CAVIN4: variants seen among roughly 807,000 people sequenced by gnomAD.
CAVIN4 encodes caveolae associated protein 4.
Under a neutral mutation model 18.6 loss-of-function variants are expected in CAVIN4, and 10 were observed. That is an observed-to-expected ratio of 0.54 (90% CI 0.33 to 0.91). The LOEUF (loss-of-function observed/expected upper bound fraction) is 0.91, where lower values mean the gene tolerates loss of function less well. Ranked by LOEUF, CAVIN4 falls within the 40% of genes least tolerant of loss-of-function variation. The pLI is 0.02. For synonymous variants in CAVIN4, 173 were observed against 164.8 expected, an observed-to-expected ratio of 1.05 and a Z score of -0.38; for missense variants, 459 against 440.5, an observed-to-expected ratio of 1.04 and a Z score of -0.38.
intron 1 of CAVIN4, chr9:100,581,480 A>G (rs1393269812): frequency 1.3e-5 from 2 of 152,228 alleles, no homozygotes; most frequent in Admixed American, 1.3e-4. Flanking sequence ...GTTTTATATT[A>G]AAAGATACAA....
intron 1 of CAVIN4, among the ~76,000 whole-genome samples, chr9:100,581,892 A>G (rs1205436311): frequency 6.6e-6 from 1 of 152,150 alleles, no homozygotes; most frequent in African/African-American, 2.4e-5. Flanking sequence ...CGCTGCTTCA[A>G]ACTGATTCAT....
At position 100,586,062 on chromosome 9, in the gene CAVIN4, C is replaced by CTAAGG. The variant is rs1839473514; in HGVS notation, c.706_707insTAAGG (p.Gln236LeufsTer8). Reference sequence around the variant, plus strand: ...CCCGGAGAGGAGAGAGAGGCTAAGGCAGTCAGGAGAGAGGCTGAGACAGTC... The same window carrying CTAAGG: ...CCCGGAGAGGAGAGAGAGGCTAAGGCTAAGGAGTCAGGAGAGAGGCTGAGACAGTC... On this transcript the variant is annotated frameshift_variant, in exon 2 of 2. Coordinates refer to ENST00000307584, the MANE Select transcript of CAVIN4 (RefSeq NM_001018116.2). LOFTEE classifies it low-confidence loss of function (END_TRUNC). 6.2e-7 allele frequency: 1 copy of CTAAGG among 1,602,976 alleles called. No homozygotes were observed. The highest frequency in any genetic ancestry group is 8.5e-7 in the Non-Finnish European group (1 of 1,170,248).
chr9:100,580,188 T>C (rs1024847554), intron 1 of CAVIN4, among the ~76,000 whole-genome samples: 1 of 151,966 alleles, frequency 6.6e-6, no homozygotes, highest in Non-Finnish European at 1.5e-5. Flanking sequence ...TCCCTGCTAC[T>C]TAGGAGGCTG....
chr9:100,584,804 C>T (rs1002332015), intron 1 of CAVIN4, among the ~76,000 whole-genome samples: 1 of 152,186 alleles, frequency 6.6e-6, no homozygotes, highest in African/African-American at 2.4e-5. Flanking sequence ...TTCCTTGAGT[C>T]TCGCAGTTCG....
chr9:100,587,328 A>C lies in CAVIN4; in HGVS notation c.*877A>C, dbSNP rs1212069742. 6.6e-6 allele frequency: 1 copy of C among 152,182 alleles called. No individual in the cohort carries two copies. 9.4% of individuals were successfully genotyped at this position (152,182 alleles called of 1,614,324 possible). The stretch of plus-strand genomic sequence containing the variant: ...CCTTTCTAATTTCCTTTTGATTAAG[A>C]TCTTTGGTGGACTATAGCACTAAAT... On this transcript the variant is annotated 3_prime_UTR_variant, in exon 2 of 2. Coordinates refer to ENST00000307584, the MANE Select transcript of CAVIN4 (RefSeq NM_001018116.2).
chr9:100,577,172 T>C (rs1839366292), upstream of CAVIN4: 1 of 152,638 alleles, frequency 6.6e-6, no homozygotes, highest in Non-Finnish European at 1.5e-5. Context: ...GTCCTAATAA[T>C]TTGAACAAAT....
rs1336467530 is a variant in CAVIN4 at position 100,586,095 on chromosome 9, A to G, written c.739A>G (p.Arg247Gly). The G allele has an allele frequency of 6.2e-7, 1 of 1,609,780 alleles. No homozygotes were observed. The highest frequency in any genetic ancestry group is 1.7e-5 in the Admixed American group (1 of 59,588). Residue 247 changes from arginine to glycine, a missense_variant, in exon 2 of 2, where the codon AGG (arginine) becomes GGG (glycine). Transcript: ENST00000307584. ...SGERLRQSGE[R>G]LRQSGERFKK... ...AGAGAGGCTGAGACAGTCAGGGGAG[A>G]GGCTGAGACAGTCAGGGGAGAGGTT...
In CAVIN4 at chr9:100,586,629, AT is replaced by A; in HGVS notation, c.*184del. 1 of 475,082 alleles carries A rather than the reference AT, an allele frequency of 2.1e-6. No homozygotes were observed. Among genetic ancestry groups the A allele is most frequent in the Non-Finnish European group, 3.5e-6 (1 of 282,288 alleles). 29.4% of individuals were successfully genotyped at this position (475,082 alleles called of 1,614,324 possible). On this transcript the variant is annotated 3_prime_UTR_variant, in exon 2 of 2. Transcript: ENST00000307584. ...TCACTCTTTCTCATGGCAGCTGTGG[AT>A]TTTTTAGTTCCTTTCTCTTGTCCAC... is the stretch of plus-strand genomic sequence containing the variant.
rs767889299 is a variant in CAVIN4, at chr9:100,585,825, C to G, written c.469C>G (p.Gln157Glu). ...TAAAGACAGAAACCTAACTGAGAAC[C>G]AAGAAGAGGATGATGATGATATCTT... ...VVKDRNLTENQEEDDDDIFDP... is the reference protein window; with the variant it reads ...VVKDRNLTENEEEDDDDIFDP... Residue 157 changes from glutamine (Q) to glutamate (E), a missense_variant, in exon 2 of 2, where the codon CAA becomes GAA. Coordinates refer to ENST00000307584, the MANE Select transcript of CAVIN4 (RefSeq NM_001018116.2). 48 of 1,614,082 alleles carry G rather than the reference C, an allele frequency of 3.0e-5. No individual in the cohort carries two copies. The highest frequency in any genetic ancestry group is 4.1e-5 in the Non-Finnish European group (48 of 1,179,998).
Position 100,578,311 on chromosome 9 carries a change from G to A in CAVIN4, c.168G>A (p.Glu56=). The change falls in exon 1 of 2, where the codon GAG becomes GAA. Residue 56 remains glutamate (E), a synonymous_variant. Transcript: ENST00000307584. ...SVQASQKRIE[E]RHREMENAIK... ...AGGCAAGCCAGAAGAGAATAGAAGA[G>A]AGACACAGGGAAATGGAAAATGCCA... The A allele has an allele frequency of 6.2e-7, 1 of 1,614,094 alleles. No homozygotes were observed. Among genetic ancestry groups the A allele is most frequent in the Non-Finnish European group, 8.5e-7 (1 of 1,179,998 alleles).
In CAVIN4 at chr9:100,585,800, TAAAGAC is replaced by T. The variant is rs760764081; in HGVS notation, c.446_451del (p.Lys149_Asp150del). ...GGTGTCCGACATCCCTGTCTGTTGT[TAAAGAC>T]AGAAACCTAACTGAGAACCAAGAAG... On this transcript the variant is annotated inframe_deletion, in exon 2 of 2. Coordinates refer to ENST00000307584, the MANE Select transcript of CAVIN4 (RefSeq NM_001018116.2). 5 of 1,614,130 alleles carry T rather than the reference TAAAGAC, an allele frequency of 3.1e-6. No individual in the cohort carries two copies.
intron 1 of CAVIN4, among the ~76,000 whole-genome samples, chr9:100,585,142 G>A (rs1367172920): frequency 6.6e-6 from 1 of 152,162 alleles, no homozygotes; most frequent in African/African-American, 2.4e-5. Flanking sequence ...GATCAGTGAG[G>A]AGGCATTGCG....
At chr9:100,584,997 T>C (rs937522571) in intron 1 of CAVIN4, among the ~76,000 whole-genome samples, 2 of 152,228 alleles carry the variant, frequency 1.3e-5, no homozygotes, top group Admixed American at 6.5e-5. Context: ...AGCCTTCTAA[T>C]CATACTGAAG....
intron 1 of CAVIN4, chr9:100,581,215 C>T (rs1242278811): frequency 6.6e-6 from 1 of 152,200 alleles, no homozygotes; most frequent in Non-Finnish European, 1.5e-5. Flanking sequence ...TGGTCCTCCT[C>T]TATCGTGGAT....
chr9:100,576,911 C>G (rs1010039915), upstream of CAVIN4: 1 of 197,508 alleles, frequency 5.1e-6, no homozygotes, highest in African/African-American at 2.3e-5. Flanking sequence ...GTCATATCCA[C>G]TTCTTCCACA....
chr9:100,580,709 A>G (rs1227827435), intron 1 of CAVIN4, among the ~76,000 whole-genome samples: 1 of 152,212 alleles, frequency 6.6e-6, no homozygotes, highest in East Asian at 1.9e-4. Context: ...GAAGGGTGCT[A>G]GTTTAGGGCA....
In CAVIN4 at chr9:100,578,422, C is replaced by A; in HGVS notation, c.279C>A (p.Thr93=). 1.2e-6 allele frequency: 2 copies of A among 1,613,986 alleles called. No homozygotes were observed. Among genetic ancestry groups the A allele is most frequent in the Non-Finnish European group, 1.7e-6 (2 of 1,179,988 alleles). Residue 93 remains threonine, a synonymous_variant, in exon 1 of 2, where the codon ACC becomes ACA. Transcript: ENST00000307584. ...GHIINKLFEK[T]RKVSAHIKDV... Reference sequence around the variant, plus strand: ...TCATTAACAAATTGTTTGAGAAAACCCGAAAAGTTAGTGCTCACATTAAAG... The same window carrying A: ...TCATTAACAAATTGTTTGAGAAAACACGAAAAGTTAGTGCTCACATTAAAG...
At chr9:100,580,162 C>T (rs773465126) in intron 1 of CAVIN4, among the ~76,000 whole-genome samples, 10 of 150,696 alleles carry the variant, frequency 6.6e-5, no homozygotes, top group Admixed American at 6.6e-5. Context: ...CCAGGTGTGT[C>T]GTCGCGTGCC....
upstream of CAVIN4, chr9:100,578,067 T>A: frequency 2.0e-6 from 3 of 1,488,052 alleles, no homozygotes; most frequent in Non-Finnish European, 2.8e-6. Context: ...CCCTGTTGCC[T>A]GTTATCAAGC....
Sources: gnomAD v4.1 joint callset for allele counts (sites outside exome capture counted in the v4.1 genomes callset) on GRCh38, gnomAD v4.1.1 for gene constraint, MANE v1.5 for transcripts, NCBI Gene and HGNC (gene_info 2026-07-23, HGNC 2026-07-21) for gene names.